Variants in HSD17B4 observed in about 807,000 individuals in gnomAD.
The protein encoded by HSD17B4 is peroxisomal multifunctional enzyme type 2.
In HSD17B4, 70 loss-of-function variants were observed where a neutral mutation model predicts 101.0. That is an observed-to-expected ratio of 0.69 (90% CI 0.57 to 0.85). The LOEUF is 0.85. Among genes scored for constraint, HSD17B4 ranks in the 40% least tolerant of loss-of-function variants. HSD17B4 has a pLI of 0.00. For missense variants in HSD17B4, 984 were observed against 892.4 expected (o/e 1.10, Z -1.31); for synonymous variants, 347 against 297.1 (o/e 1.17, Z -1.73).
intron 12 of HSD17B4, among the ~76,000 whole-genome samples, chr5:119,498,606 A>T (rs1750863101): frequency 6.6e-6 from 1 of 152,204 alleles, no homozygotes; most frequent in Non-Finnish European, 1.5e-5. Context: ...GACTGGGCGC[A>T]GTGGCTCACG....
Position 119,530,111 on chromosome 5 carries a change from A to G in HSD17B4, c.1854+131A>G, listed in dbSNP as rs994048092. The G allele has an allele frequency of 1.6e-5, 11 of 702,542 alleles. No individual in the cohort carries two copies. The African/African-American group carries it at 1.8e-4, about 11-fold the overall frequency. 43.5% of individuals were successfully genotyped at this position (702,542 alleles called of 1,614,324 possible). A position where few individuals can be genotyped will look rare whatever the true frequency, so the allele number is the denominator to read the frequency against. On this transcript the variant is annotated intron_variant, in intron 21 of 23. Coordinates refer to ENST00000510025, the MANE Select transcript of HSD17B4 (RefSeq NM_000414.4). ...CTATTCTTAATTCTTGAAGTGAAAA[A>G]CATTAATTCAAAACAGCTTGGAATA...
At chr5:119,492,420 C>T (rs1178480729) in intron 10 of HSD17B4, 4 of 348,662 alleles carry the variant, frequency 1.1e-5, no homozygotes, top group Non-Finnish European at 2.1e-5. Context: ...GATAATCATC[C>T]TCCCATGTCT....
At chr5:119,516,284 T>C (rs1330196343) in intron 17 of HSD17B4, among the ~76,000 whole-genome samples, 1 of 152,174 alleles carries the variant, frequency 6.6e-6, no homozygotes, top group Admixed American at 6.5e-5. Flanking sequence ...CTAATTCTGT[T>C]AGAGTACTAA....
chr5:119,508,001 A>G (rs1406323141), intron 15 of HSD17B4, among the ~76,000 whole-genome samples: 2 of 152,144 alleles, frequency 1.3e-5, no homozygotes, highest in Non-Finnish European at 2.9e-5. Flanking sequence ...GTTATACTAT[A>G]TATGCTGTTT....
intron 2 of HSD17B4, among the ~76,000 whole-genome samples, chr5:119,459,285 T>G (rs1754975268): frequency 1.3e-5 from 2 of 152,244 alleles, no homozygotes; most frequent in African/African-American, 4.8e-5. Flanking sequence ...CTTAGCTAAC[T>G]TCCGGGATTA....
At chr5:119,527,375 TTTTA>T (rs1301316893) in intron 20 of HSD17B4, among the ~76,000 whole-genome samples, 156 bp downstream of exon 20, 24 of 152,052 alleles carry the variant, frequency 1.6e-4, no homozygotes, top group Non-Finnish European at 2.9e-4. Flanking sequence ...TTTTCAAAAT[TTTTA>T]TTTATCAGGC....
intron 16 of HSD17B4, among the ~76,000 whole-genome samples, chr5:119,510,113 T>C (rs747968225): frequency 1.3e-5 from 2 of 152,242 alleles, no homozygotes; most frequent in Middle Eastern, 3.2e-3. Context: ...ATTGTGTGTG[T>C]TCCTTGAATT....
chr5:119,506,921 G>A (rs1207863877), intron 15 of HSD17B4, 32 bp downstream of exon 15: 1 of 1,125,480 alleles, frequency 8.9e-7, no homozygotes, highest in Non-Finnish European at 1.4e-6. Context: ...TAATAATATT[G>A]TTAGATTGAT....
intron 15 of HSD17B4, among the ~76,000 whole-genome samples, chr5:119,507,440 T>C (rs1751756980): frequency 6.6e-6 from 1 of 152,230 alleles, no homozygotes; most frequent in African/African-American, 2.4e-5. Context: ...GTTTAATAAA[T>C]GTTGAAATAC....
rs933517207 is a variant in HSD17B4, at chr5:119,493,941, T to G, written c.863T>G (p.Ile288Ser). ...DFENASKPQS[I>S]QESTGSIIEV... is the part of the protein sequence containing the mutation. ...GAGAATGCCAGCAAGCCTCAGAGTA[T>G]CCAAGGTAAAGAGAGTCCCCGTCAC... The change falls in exon 11 of 24, where the codon ATC becomes AGC. Residue 288 changes from isoleucine (I) to serine (S), a missense_variant. Physicochemically the swap from Ile to Ser is moderately radical, Grantham distance 142 (BLOSUM62 -2). Coordinates refer to ENST00000510025, the MANE Select transcript of HSD17B4 (RefSeq NM_000414.4). 1 of 1,613,088 alleles carries G rather than the reference T, an allele frequency of 6.2e-7. No individual in the cohort carries two copies. Among genetic ancestry groups the G allele is most frequent in the South Asian group, 1.1e-5 (1 of 91,070 alleles).
chr5:119,509,607 T>C lies in HSD17B4; in HGVS notation c.1437+363T>C, dbSNP rs1751987427. On this transcript the variant is annotated intron_variant, in intron 16 of 23. Transcript: ENST00000510025. ...TGAATGTTTATTTTTGTGCCTTTCTTCCTATGTGTATGTCAAGTCTTTTTC... is the reference window on the plus strand; with the variant it reads ...TGAATGTTTATTTTTGTGCCTTTCTCCCTATGTGTATGTCAAGTCTTTTTC... The C allele has an allele frequency of 1.4e-5, 5 of 368,552 alleles. No individual in the cohort carries two copies. The Admixed American group carries it at 1.4e-4, about 11-fold the overall frequency. The allele number at this position is 368,552 out of a possible 1,614,324, so 22.8% of individuals were successfully genotyped here.
At chr5:119,453,998 C>G (rs1179725995) in intron 1 of HSD17B4, among the ~76,000 whole-genome samples, 1 of 152,168 alleles carries the variant, frequency 6.6e-6, no homozygotes, top group East Asian at 1.9e-4. Flanking sequence ...GAAAATCATT[C>G]AAGGATAGGG....
intron 16 of HSD17B4, among the ~76,000 whole-genome samples, chr5:119,509,974 T>C (rs1220722756): frequency 6.6e-6 from 1 of 152,242 alleles, no homozygotes; most frequent in African/African-American, 2.4e-5. Context: ...TCAAAAGTTA[T>C]ACGTGAATTT....
In HSD17B4 at chr5:119,539,897, T is replaced by TGA. The variant is rs1339253818; in HGVS notation, c.2122-2005_2122-2004dup. 2.7e-4 allele frequency among the ~76,000 whole-genome samples: 34 copies of TGA among 128,072 alleles called. No individual in the cohort carries two copies. The Admixed American group carries it at 3.2e-3, about 12-fold the overall frequency. The allele number at this position is 128,072 out of a possible 152,430, so 84.0% of individuals were successfully genotyped here. A position where few individuals can be genotyped will look rare whatever the true frequency, so the allele number is the denominator to read the frequency against. On this transcript the variant is annotated intron_variant, in intron 23 of 23. Transcript: ENST00000510025. Reference sequence around the variant, plus strand: ...TTGAGTCCAGGAGTTTGAGCCTGGGTGAGACAGTGAGACCCTGTCTCTACC... The same window carrying TGA: ...TTGAGTCCAGGAGTTTGAGCCTGGGTGAGAGACAGTGAGACCCTGTCTCTACC...
At chr5:119,477,976 C>G (rs1349029823) in intron 7 of HSD17B4, 1 of 170,784 alleles carries the variant, frequency 5.9e-6, no homozygotes, top group Non-Finnish European at 1.3e-5. Context: ...TGGTCTCAAA[C>G]TCTTGGGCCC....
At chr5:119,466,079 G>C (rs1755778598) in intron 2 of HSD17B4, among the ~76,000 whole-genome samples, 1 of 151,986 alleles carries the variant, frequency 6.6e-6, no homozygotes, top group Non-Finnish European at 1.5e-5. Flanking sequence ...ATGATCAGAT[G>C]GTTTTTTTCT....
chr5:119,455,568 C>CTA lies in HSD17B4; in HGVS notation c.59-732_59-731dup, dbSNP rs1554059875. On this transcript the variant is annotated intron_variant, in intron 1 of 23. Transcript: ENST00000510025. ...TCTCTCTCTCTCTCTCTCTCTCTCTCTATATATATATATATAATTTCTTTT... is the reference window on the plus strand; with the variant it reads ...TCTCTCTCTCTCTCTCTCTCTCTCTCTATATATATATATATATAATTTCTTTT... Among the ~76,000 whole-genome samples the CTA allele has an allele frequency of 3.6e-3, 485 of 136,438 alleles. 4 individuals are homozygous for CTA. Among genetic ancestry groups the CTA allele is most frequent in the African/African-American group, 7.9e-3 (285 of 35,938 alleles). 89.5% of individuals were successfully genotyped at this position (136,438 alleles called of 152,430 possible). A position where few individuals can be genotyped will look rare whatever the true frequency, so the allele number is the denominator to read the frequency against.
In HSD17B4 at chr5:119,477,483, A is replaced by G; in HGVS notation, c.416A>G (p.Lys139Arg). The G allele has an allele frequency of 1.2e-6, 2 of 1,612,474 alleles. No homozygotes were observed. The highest frequency in any genetic ancestry group is 1.7e-6 in the Non-Finnish European group (2 of 1,178,576). The stretch of plus-strand genomic sequence containing the variant: ...ACACGGGCAGCATGGGAACACATGA[A>G]GAAACAGAAGTATGGAAGGTAGAGT... ...QVTRAAWEHM[K>R]KQKYGRIIMT... is the part of the protein sequence containing the mutation. The change falls in exon 7 of 24, where the codon AAG (lysine) becomes AGG (arginine). Residue 139 changes from lysine to arginine, a missense_variant. Transcript: ENST00000510025.
chr5:119,529,539 C>G (rs1156536826), intron 20 of HSD17B4, among the ~76,000 whole-genome samples: 1 of 151,964 alleles, frequency 6.6e-6, no homozygotes, highest in Non-Finnish European at 1.5e-5. Context: ...AGAGTGCATC[C>G]CCTGATCCCC....
Sources: allele counts gnomAD v4.1 joint callset (sites outside exome capture counted in the v4.1 genomes callset), GRCh38; gene constraint gnomAD v4.1.1; transcripts MANE v1.5; gene names NCBI Gene and HGNC (gene_info 2026-07-23, HGNC 2026-07-21).